The following FREM3 variants were observed in gnomAD, a reference collection of about 807,000 sequenced individuals.
FREM3 encodes the protein FRAS1 related extracellular matrix 3.
Under a neutral mutation model 129.1 loss-of-function variants are expected in FREM3, and 105 were observed. The observed-to-expected ratio is 0.81, with a 90% CI of 0.69 to 0.96. The LOEUF is 0.96. Among genes scored for constraint, FREM3 ranks in the 40% least tolerant of loss-of-function variants. The pLI is 0.00. For synonymous variants in FREM3, 1,014 were observed against 1,044.9 expected (o/e 0.97, Z 0.57); for missense variants, 2,593 against 2,666.3 (o/e 0.97, Z 0.61).
At chr4:143,669,535 G>A (rs746395001) in intron 2 of FREM3, among the ~76,000 whole-genome samples, 7 of 151,278 alleles carry the variant, frequency 4.6e-5, no homozygotes, top group Non-Finnish European at 1.0e-4. Flanking sequence ...TGATGCTCCC[G>A]CTTCAGCCTA....
At chr4:143,607,069 C>T (rs554369695) in intron 6 of FREM3, among the ~76,000 whole-genome samples, 238 of 152,212 alleles carry the variant, frequency 1.6e-3, no homozygotes, top group Middle Eastern at 0.01. Flanking sequence ...ACTGCTGTAT[C>T]CTCTATGCTT....
intron 6 of FREM3, among the ~76,000 whole-genome samples, chr4:143,588,513 G>A (rs922356521): frequency 1.3e-5 from 2 of 151,706 alleles, no homozygotes; most frequent in African/African-American, 2.4e-5. Context: ...TTCTCCTCGC[G>A]ATAGTTTGCT....
chr4:143,586,907 C>G (rs1738252974), intron 6 of FREM3, among the ~76,000 whole-genome samples: 1 of 152,186 alleles, frequency 6.6e-6, no homozygotes. Context: ...CATGGAGGAA[C>G]AACCCCTTGA....
intron 6 of FREM3, among the ~76,000 whole-genome samples, chr4:143,589,980 G>A (rs1351333454): frequency 1.3e-5 from 2 of 152,032 alleles, no homozygotes; most frequent in African/African-American, 4.8e-5. Flanking sequence ...TGGATTCCTA[G>A]GTATTTTATT....
At chr4:143,629,477 TA>T (rs1479778813) in intron 2 of FREM3, among the ~76,000 whole-genome samples, 32 of 152,246 alleles carry the variant, frequency 2.1e-4, no homozygotes, top group African/African-American at 7.7e-4. Flanking sequence ...TCTCTCTCTT[TA>T]AAAAATAACA....
intron 2 of FREM3, among the ~76,000 whole-genome samples, chr4:143,644,200 T>TGC (rs1443603060): frequency 1.4e-5 from 2 of 142,082 alleles, no homozygotes; most frequent in African/African-American, 2.5e-5. Flanking sequence ...TGTGTGTGTG[T>TGC]GCGCGTGTGC....
At chr4:143,684,907 A>G (rs184948927) in intron 2 of FREM3, among the ~76,000 whole-genome samples, 4 of 152,252 alleles carry the variant, frequency 2.6e-5, no homozygotes, top group African/African-American at 9.6e-5. Flanking sequence ...GAAGAAAGAA[A>G]TTTCTAGCTC....
intron 6 of FREM3, among the ~76,000 whole-genome samples, chr4:143,586,440 G>C (rs1432875860): frequency 6.6e-6 from 1 of 152,104 alleles, no homozygotes; most frequent in Non-Finnish European, 1.5e-5. Flanking sequence ...GATCACTATG[G>C]CTATGCCTTT....
intron 2 of FREM3, among the ~76,000 whole-genome samples, chr4:143,650,716 T>G (rs1578850972): frequency 6.6e-6 from 1 of 152,238 alleles, no homozygotes; most frequent in Non-Finnish European, 1.5e-5. Flanking sequence ...GATCTTGAAC[T>G]GCTGGCCTTA....
chr4:143,607,036 A>G (rs1738680312), intron 6 of FREM3, among the ~76,000 whole-genome samples: 1 of 152,086 alleles, frequency 6.6e-6, no homozygotes, highest in African/African-American at 2.4e-5. Context: ...TCTCCCCTTG[A>G]TTATATAATG....
chr4:143,615,724 C>A (rs1391802781), intron 5 of FREM3, among the ~76,000 whole-genome samples: 2 of 149,538 alleles, frequency 1.3e-5, no homozygotes, highest in African/African-American at 5.0e-5. Context: ...AAAACAAAAA[C>A]CCAAAAACCC....
At chr4:143,618,311 C>A (rs1350581245) in intron 5 of FREM3, among the ~76,000 whole-genome samples, 2 of 151,942 alleles carry the variant, frequency 1.3e-5, no homozygotes, top group African/African-American at 4.8e-5. Flanking sequence ...AAACTCCCTG[C>A]ATAGCTGGTG....
chr4:143,590,363 T>A (rs1488928978), intron 6 of FREM3, among the ~76,000 whole-genome samples: 1 of 152,230 alleles, frequency 6.6e-6, no homozygotes, highest in Non-Finnish European at 1.5e-5. Context: ...AGTATGATAT[T>A]GGCTGTGGGT....
intron 2 of FREM3, among the ~76,000 whole-genome samples, chr4:143,690,174 A>C (rs1213734693): frequency 6.6e-6 from 1 of 152,168 alleles, no homozygotes; most frequent in Admixed American, 6.6e-5. Flanking sequence ...CAGCAATAGG[A>C]AACTAATAAA....
intron 7 of FREM3, 37 bp from the exon 8 acceptor site, chr4:143,577,889 G>C: frequency 6.6e-7 from 1 of 1,515,092 alleles, no homozygotes; most frequent in Non-Finnish European, 8.8e-7. Context: ...GAGACAGTAG[G>C]ATTTGTCATA....
intron 5 of FREM3, among the ~76,000 whole-genome samples, chr4:143,613,487 C>G (rs969774341): frequency 6.6e-6 from 1 of 152,202 alleles, no homozygotes; most frequent in African/African-American, 2.4e-5. Flanking sequence ...AAGACAGGCA[C>G]TCTCCAGTTA....
intron 5 of FREM3, among the ~76,000 whole-genome samples, chr4:143,617,555 T>G (rs1230200704): frequency 1.3e-5 from 2 of 152,252 alleles, no homozygotes; most frequent in Non-Finnish European, 2.9e-5. Context: ...TCTTCATGTT[T>G]GTTGCGTTTG....
At chr4:143,691,211 C>T (rs953016067) in intron 2 of FREM3, among the ~76,000 whole-genome samples, 3 of 152,128 alleles carry the variant, frequency 2.0e-5, no homozygotes, top group African/African-American at 7.2e-5. Flanking sequence ...ATTCTTATCA[C>T]TTTAATTCTC....
chr4:143,580,823 G>A (rs1251358915), intron 7 of FREM3, among the ~76,000 whole-genome samples: 2 of 152,228 alleles, frequency 1.3e-5, no homozygotes, highest in Non-Finnish European at 2.9e-5. Context: ...CACAAAGATT[G>A]AGAACTAATG....
Sources: gnomAD v4.1 joint callset for allele counts (sites outside exome capture counted in the v4.1 genomes callset) on GRCh38, gnomAD v4.1.1 for gene constraint, MANE v1.5 for transcripts, NCBI Gene and HGNC (gene_info 2026-07-23, HGNC 2026-07-21) for gene names.